CISTR: variants seen among roughly 807,000 people sequenced by gnomAD.
CISTR encodes the protein chondrogenic regulator lncRNA.
chr12:53,752,074 C>T (rs2120736787), intron 1 of CISTR, among the ~76,000 whole-genome samples: 1 of 152,220 alleles, frequency 6.6e-6, no homozygotes, highest in Admixed American at 6.5e-5. Context: ...GACTCTGCAG[C>T]CGGGCTCCTC....
chr12:53,753,058 A>C (rs879530021), intron 1 of CISTR, among the ~76,000 whole-genome samples: 1 of 118,560 alleles, frequency 8.4e-6, no homozygotes, highest in Non-Finnish European at 2.0e-5. Flanking sequence ...TACATCACAC[A>C]CACACACACA....
At chr12:53,755,308 G>GGTGTGTGT (rs3058893) in intron 1 of CISTR, among the ~76,000 whole-genome samples, 12,667 of 147,154 alleles carry the variant, frequency 0.086, 633 homozygotes, top group Non-Finnish European at 0.13. Context: ...TCCTGTTTGG[G>GGTGTGTGT]GTGTGTGTGT....
exon 3 of CISTR, among the ~76,000 whole-genome samples, chr12:53,746,755 C>G (rs1937786327): frequency 6.6e-6 from 1 of 152,152 alleles, no homozygotes; most frequent in African/African-American, 2.4e-5. Flanking sequence ...CTGTAGGGAG[C>G]GCTGTTCTCT....
exon 3 of CISTR, among the ~76,000 whole-genome samples, chr12:53,746,797 A>G (rs917304364): frequency 6.6e-6 from 1 of 152,196 alleles, no homozygotes; most frequent in Admixed American, 6.5e-5. Flanking sequence ...AGCCCTTCGC[A>G]GATCGCTGCT....
intron 1 of CISTR, among the ~76,000 whole-genome samples, chr12:53,754,691 AT>A (rs1937896242): frequency 6.6e-6 from 1 of 152,092 alleles, no homozygotes; most frequent in Non-Finnish European, 1.5e-5. Context: ...ATCCCAGCTT[AT>A]TCTCTTCATA....
chr12:53,755,720 C>T (rs559745559), intron 1 of CISTR: 3 of 152,580 alleles, frequency 2.0e-5, no homozygotes, highest in East Asian at 1.9e-4. Flanking sequence ...GGTCCCCTCT[C>T]TACGCTCTTT....
intron 2 of CISTR, among the ~76,000 whole-genome samples, chr12:53,749,567 C>T (rs1937823216): frequency 6.6e-6 from 1 of 151,628 alleles, no homozygotes; most frequent in Non-Finnish European, 1.5e-5. Context: ...TTAGGGTGAC[C>T]CTGTCATTTT....
intron 1 of CISTR, chr12:53,754,396 C>G (rs1189109492): frequency 6.6e-6 from 1 of 152,146 alleles, no homozygotes; most frequent in African/African-American, 2.4e-5. Context: ...GGGTTAATCT[C>G]TCTCTATGCA....
chr12:53,753,656 A>G (rs1937882325), intron 1 of CISTR, among the ~76,000 whole-genome samples: 1 of 147,170 alleles, frequency 6.8e-6, no homozygotes, highest in African/African-American at 2.5e-5. Flanking sequence ...TGGGGAAGGA[A>G]TGCATAGGGG....
intron 1 of CISTR, among the ~76,000 whole-genome samples, chr12:53,755,659 TG>T (rs756762782): frequency 1.3e-5 from 2 of 152,200 alleles, no homozygotes; most frequent in Non-Finnish European, 2.9e-5. Flanking sequence ...AGGGGTGGGA[TG>T]GACCTGGTGG....
At chr12:53,748,591 A>T (rs1937808368) in intron 2 of CISTR, among the ~76,000 whole-genome samples, 1 of 152,178 alleles carries the variant, frequency 6.6e-6, no homozygotes, top group African/African-American at 2.4e-5. Context: ...TCGAAGACTC[A>T]CACAAGGCCA....
At chr12:53,750,913 A>C (rs1228117471) in exon 2 of CISTR, 2 of 152,932 alleles carry the variant, frequency 1.3e-5, no homozygotes, top group Non-Finnish European at 2.9e-5. Context: ...CACTGGCTCC[A>C]TCTGCCGTCG....
chr12:53,753,633 C>T (rs1270591362), intron 1 of CISTR, among the ~76,000 whole-genome samples: 3 of 150,536 alleles, frequency 2.0e-5, no homozygotes, highest in Non-Finnish European at 4.4e-5. Context: ...CTAATGTGAA[C>T]CTTGGAGGCA....
intron 1 of CISTR, among the ~76,000 whole-genome samples, chr12:53,752,138 C>T (rs934457682): frequency 3.3e-5 from 5 of 152,122 alleles, no homozygotes; most frequent in African/African-American, 1.2e-4. Context: ...AGGTCCCCTC[C>T]GCTCGCCCCT....
rs569435883 is a variant in CISTR at position 53,751,294 on chromosome 12, C to T, written n.415-329G>A. On this transcript the variant is annotated intron_variant and non_coding_transcript_variant, in intron 1 of 2. Transcript: ENST00000669269. This position sits in a 1 kb window ranked among gnomAD's most constrained non-coding sequence, Gnocchi z 4.6. ...GGGTTGGGGGCGCTGGGGCTCGGGG[C>T]GCTCACTCGGACCTCGGAGCCAATC... Among the ~76,000 whole-genome samples, 76 of 152,274 alleles carry T rather than the reference C, an allele frequency of 5.0e-4. No individual in the cohort carries two copies. The South Asian group carries it at 0.012, about 24-fold the overall frequency.
chr12:53,747,083 G>T (rs1298536681), intron 2 of CISTR, among the ~76,000 whole-genome samples: 3 of 152,150 alleles, frequency 2.0e-5, no homozygotes, highest in Non-Finnish European at 4.4e-5. Flanking sequence ...TTCCTCTTTG[G>T]GTTTCAGCCT....
At chr12:53,753,668 GTGTGTGT>G (rs1565659683) in intron 1 of CISTR, among the ~76,000 whole-genome samples, 4 of 36,552 alleles carry the variant, frequency 1.1e-4, no homozygotes, top group South Asian at 2.3e-3. Context: ...GCATAGGGGT[GTGTGTGT>G]GTGTGTGTGT....
In CISTR at chr12:53,756,726, ATGTGTGTGTG is replaced by A. The variant is rs35849779; in HGVS notation, n.414+78_414+87del. 2 of 132,302 alleles carry A rather than the reference ATGTGTGTGTG, an allele frequency of 1.5e-5. No homozygotes were observed. The highest frequency in any genetic ancestry group is 3.1e-5 in the Non-Finnish European group (2 of 63,646). 8.2% of individuals were successfully genotyped at this position (132,302 alleles called of 1,614,324 possible). ...AGTCAGAGTGGGCTGTGGGTCAGTG[ATGTGTGTGTG>A]TGTGTGTGTGTGTGTACTGGGGAGG... On this transcript the variant is annotated intron_variant and non_coding_transcript_variant, in intron 1 of 2. Transcript: ENST00000669269. The surrounding 1 kb of genome is among the most constrained non-coding windows in gnomAD (Gnocchi z 4.0).
At chr12:53,746,742 G>T (rs974050497) in exon 3 of CISTR, among the ~76,000 whole-genome samples, 41 of 152,336 alleles carry the variant, frequency 2.7e-4, no homozygotes, top group African/African-American at 9.1e-4. Context: ...CCGACGTCTG[G>T]ATCTGTAGGG....
Sources: allele counts gnomAD v4.1 joint callset (sites outside exome capture counted in the v4.1 genomes callset), GRCh38; gene constraint gnomAD v4.1.1; non-coding constraint Gnocchi (gnomAD v3.1); transcripts MANE v1.5; gene names NCBI Gene and HGNC (gene_info 2026-07-23, HGNC 2026-07-21).